SLC38A4: variants seen among roughly 807,000 people sequenced by gnomAD.
The protein encoded by SLC38A4 is sodium-coupled neutral amino acid transporter 4.
SLC38A4 carries 20 observed loss-of-function variants against 63.1 expected under a neutral mutation model. The ratio of observed to expected loss-of-function variants is 0.32; its 90% CI spans 0.22 to 0.46. The LOEUF is 0.46. Among genes scored for constraint, SLC38A4 ranks in the 20% least tolerant of loss-of-function variants. The probability of loss-of-function intolerance (pLI) is 1.00; values close to 1 mark genes in which losing one functional copy is unlikely to be tolerated. For synonymous variants in SLC38A4, 230 were observed against 225.5 expected, an observed-to-expected ratio of 1.02 and a Z score of -0.18; for missense variants, 526 against 663.6, an observed-to-expected ratio of 0.79 and a Z score of 2.28.
intron 1 of SLC38A4, among the ~76,000 whole-genome samples, chr12:46,821,438 C>T (rs1332346551): frequency 6.6e-6 from 1 of 151,968 alleles, no homozygotes; most frequent in Non-Finnish European, 1.5e-5. Flanking sequence ...ATTGTGTGTT[C>T]TTGGGACCCT....
chr12:46,805,478 G>T (rs1395843059), intron 1 of SLC38A4, among the ~76,000 whole-genome samples: 1 of 151,988 alleles, frequency 6.6e-6, no homozygotes, highest in East Asian at 1.9e-4. Flanking sequence ...GCCAAAATTA[G>T]TGAAGAAATA....
chr12:46,788,529 T>A lies in SLC38A4; in HGVS notation c.209A>T (p.His70Leu). 1 of 1,612,344 alleles carries A rather than the reference T, an allele frequency of 6.2e-7. No individual in the cohort carries two copies. Among genetic ancestry groups the A allele is most frequent in the East Asian group, 2.2e-5 (1 of 44,842 alleles). The part of the protein sequence containing the change: ...KKKLADYADE[H>L]HPGTTSFGMS... ...GCCTGAAAGCATAGATTCACTTACG[T>A]GTTCATCAGCATAATCTGCCAGCTT... The change falls in exon 4 of 17, where the codon CAC becomes CTC. Residue 70 changes from histidine (H) to leucine (L), a missense_variant and splice_region_variant. His to Leu is a moderately conservative substitution (Grantham distance 99). Coordinates refer to ENST00000266579, the MANE Select transcript of SLC38A4 (RefSeq NM_018018.5).
rs3217194 is a variant in SLC38A4, at chr12:46,788,622, A to AACAC, written c.120-8_120-5dup. 1.1e-5 allele frequency: 17 copies of AACAC among 1,599,490 alleles called. No homozygotes were observed. The highest frequency in any genetic ancestry group is 5.5e-5 in the South Asian group (5 of 90,474). On this transcript the variant is annotated splice_region_variant and splice_polypyrimidine_tract_variant and intron_variant, in intron 3 of 16. Coordinates refer to ENST00000266579, the MANE Select transcript of SLC38A4 (RefSeq NM_018018.5). ...AGTGTCTTCATTAGCAAATTGACTG[A>AACAC]ACACACACACACACAAATAAGAAAG...
upstream of SLC38A4, among the ~76,000 whole-genome samples, chr12:46,827,831 G>T (rs1434750146): frequency 3.3e-5 from 5 of 151,956 alleles, no homozygotes; most frequent in African/African-American, 1.2e-4. Flanking sequence ...TTGAGCACTG[G>T]TTTTAAATCC....
At chr12:46,768,538 G>T in intron 15 of SLC38A4, 131 bp from the exon 16 acceptor site, 1 of 511,908 alleles carries the variant, frequency 2.0e-6, no homozygotes, top group Non-Finnish European at 3.4e-6. Flanking sequence ...ACACACTTAA[G>T]TCACATAAGC....
At chr12:46,779,101 C>A (rs762186128) in intron 10 of SLC38A4, among the ~76,000 whole-genome samples, 1 of 151,806 alleles carries the variant, frequency 6.6e-6, no homozygotes, top group Non-Finnish European at 1.5e-5. Flanking sequence ...AACTTTTTTT[C>A]CTTCTCCTTT....
chr12:46,778,362 A>G lies in SLC38A4; in HGVS notation c.1000T>C (p.Tyr334His). 1 of 1,612,712 alleles carries G rather than the reference A, an allele frequency of 6.2e-7. No homozygotes were observed. The highest frequency in any genetic ancestry group is 8.5e-7 in the Non-Finnish European group (1 of 1,179,164). ...KYFVFNSRTA[Y>H]AIPILVFAFV... ...GCAAATACTAGGATAGGAATTGCATAGGCCGTCTGAAAAACAAAGACAACA... is the reference window on the plus strand; with the variant it reads ...GCAAATACTAGGATAGGAATTGCATGGGCCGTCTGAAAAACAAAGACAACA... Residue 334 changes from tyrosine (Y) to histidine (H), a missense_variant, in exon 12 of 17, where the codon TAT becomes CAT. By Grantham distance (83) the Tyr-to-His change is moderately conservative. Transcript: ENST00000266579.
chr12:46,821,588 T>C (rs965225103), intron 1 of SLC38A4, among the ~76,000 whole-genome samples: 3 of 152,158 alleles, frequency 2.0e-5, no homozygotes, highest in Non-Finnish European at 4.4e-5. Flanking sequence ...ATTTTTTCAG[T>C]TACTATAGCT....
At chr12:46,768,826 A>G (rs1938351844) in intron 15 of SLC38A4, among the ~76,000 whole-genome samples, 1 of 152,124 alleles carries the variant, frequency 6.6e-6, no homozygotes, top group Non-Finnish European at 1.5e-5. Context: ...TAGAATGAAA[A>G]TTAATAGACC....
Position 46,778,782 on chromosome 12 carries a change from C to T in SLC38A4, c.718-6G>A. On this transcript the variant is annotated splice_polypyrimidine_tract_variant and splice_region_variant and intron_variant, in intron 10 of 16. Transcript: ENST00000266579. Reference sequence around the variant, plus strand: ...TGGAATTTCTTGTAAATCACCTAGACTCAGTCATTAAAAAAGAAAAAAAAA... The same window carrying T: ...TGGAATTTCTTGTAAATCACCTAGATTCAGTCATTAAAAAAGAAAAAAAAA... 1 of 1,600,760 alleles carries T rather than the reference C, an allele frequency of 6.2e-7. No homozygotes were observed.
intron 5 of SLC38A4, among the ~76,000 whole-genome samples, chr12:46,785,738 CTTTTTTTT>C (rs11335369): frequency 0.045 from 3,053 of 67,188 alleles, 138 homozygotes; most frequent in African/African-American, 0.14. Flanking sequence ...ACGAAAATTC[CTTTTTTTT>C]TTTTTTTTTT....
intron 1 of SLC38A4, among the ~76,000 whole-genome samples, chr12:46,812,068 T>A (rs146046694): frequency 2.7e-4 from 41 of 152,114 alleles, no homozygotes; most frequent in African/African-American, 8.2e-4. Context: ...TATGAGCAAT[T>A]TTCCAGTAAT....
At chr12:46,777,122 A>T in intron 12 of SLC38A4, 118 bp from the exon 13 acceptor site, 1 of 809,188 alleles carries the variant, frequency 1.2e-6, no homozygotes, top group Non-Finnish European at 1.9e-6. Context: ...AGACATATTT[A>T]GTACATAAAC....
At chr12:46,821,822 A>T (rs1042823405) in intron 1 of SLC38A4, among the ~76,000 whole-genome samples, 1 of 152,128 alleles carries the variant, frequency 6.6e-6, no homozygotes, top group African/African-American at 2.4e-5. Context: ...CCATTCCATT[A>T]ACCCAAGATG....
chr12:46,818,704 A>T (rs576622389), intron 1 of SLC38A4, among the ~76,000 whole-genome samples: 1 of 152,080 alleles, frequency 6.6e-6, no homozygotes, highest in South Asian at 2.1e-4. Flanking sequence ...ACATAATTGC[A>T]TAATAAATAT....
At chr12:46,787,572 T>A (rs1013721131) in intron 5 of SLC38A4, among the ~76,000 whole-genome samples, 3 of 152,134 alleles carry the variant, frequency 2.0e-5, no homozygotes, top group African/African-American at 7.2e-5. Context: ...GGACATAAGG[T>A]AGGCAAGGGC....
chr12:46,768,319 T>G lies in SLC38A4; in HGVS notation c.1533A>C (p.Gln511His). Reference sequence around the variant, plus strand: ...TGCAAGGTTTACTTACCCCGACCTTTTGGGGTGACCTAAAAGTTTCTTTCT... The same window carrying G: ...TGCAAGGTTTACTTACCCCGACCTTGTGGGGTGACCTAAAAGTTTCTTTCT... ...LVKKETFRSP[Q>H]KVGALIFLVV... The change falls in exon 16 of 17, where the codon CAA (glutamine) becomes CAC (histidine). Residue 511 changes from glutamine (Q) to histidine (H), a missense_variant. Physicochemically the swap from Gln to His is conservative, Grantham distance 24 (BLOSUM62 0). Coordinates refer to ENST00000266579, the MANE Select transcript of SLC38A4 (RefSeq NM_018018.5). 1 of 1,609,870 alleles carries G rather than the reference T, an allele frequency of 6.2e-7. No individual in the cohort carries two copies.
At chr12:46,771,262 T>C (rs951191209) in intron 14 of SLC38A4, among the ~76,000 whole-genome samples, 10 of 152,142 alleles carry the variant, frequency 6.6e-5, no homozygotes, top group African/African-American at 2.4e-4. Flanking sequence ...GGCTTACGAA[T>C]AAGCTTTTTA....
chr12:46,783,445 A>G (rs1938692737), intron 7 of SLC38A4, among the ~76,000 whole-genome samples: 1 of 152,088 alleles, frequency 6.6e-6, no homozygotes, highest in African/African-American at 2.4e-5. Context: ...AAATTTGAGA[A>G]AGTTTATCTG....
Sources: gnomAD v4.1 joint callset for allele counts (sites outside exome capture counted in the v4.1 genomes callset) on GRCh38, gnomAD v4.1.1 for gene constraint, MANE v1.5 for transcripts, NCBI Gene and HGNC (gene_info 2026-07-23, HGNC 2026-07-21) for gene names.